The following ARVCF variants were observed in gnomAD, a reference collection of about 807,000 sequenced individuals.
ARVCF encodes the protein splicing regulator ARVCF.
In ARVCF, 66 loss-of-function variants were observed where a neutral mutation model predicts 90.9. The observed-to-expected ratio is 0.73, with a 90% CI of 0.60 to 0.89. ARVCF has a LOEUF of 0.89. ARVCF is among the 40% of genes least tolerant of loss of function. The pLI, the probability that ARVCF is intolerant of heterozygous loss-of-function variation, is 0.00. For synonymous variants in ARVCF, 653 were observed against 603.4 expected, an observed-to-expected ratio of 1.08 and a Z score of -1.21; for missense variants, 1,469 against 1,382.3, an observed-to-expected ratio of 1.06 and a Z score of -1.00.
intron 2 of ARVCF, among the ~76,000 whole-genome samples, chr22:20,006,594 G>C (rs974075468): frequency 1.4e-5 from 2 of 146,884 alleles, no homozygotes; most frequent in Non-Finnish European, 3.0e-5. Flanking sequence ...AAAAAAAGAG[G>C]CTCCCTCACA....
chr22:19,980,272 C>T (rs765145118), intron 5 of ARVCF, 30 bp from the exon 6 acceptor site: 2 of 1,494,346 alleles, frequency 1.3e-6, no homozygotes, highest in Non-Finnish European at 1.8e-6. Context: ...GCGTGGACAT[C>T]GTCACAGCAG....
At chr22:19,998,844 C>T (rs532540137) in intron 2 of ARVCF, among the ~76,000 whole-genome samples, 3 of 152,254 alleles carry the variant, frequency 2.0e-5, no homozygotes, top group South Asian at 2.1e-4. Context: ...GAGGACTGGC[C>T]CTGGCATCTG....
At chr22:19,974,299 C>T (rs1943025331) in intron 11 of ARVCF, 60 bp from the exon 12 acceptor site, 1 of 1,510,736 alleles carries the variant, frequency 6.6e-7, no homozygotes, top group Non-Finnish European at 8.9e-7. Flanking sequence ...CCATCATACC[C>T]CTCCCGCTTC....
chr22:19,971,540 A>G (rs1322624383), intron 18 of ARVCF, among the ~76,000 whole-genome samples: 1 of 152,176 alleles, frequency 6.6e-6, no homozygotes, highest in South Asian at 2.1e-4. Flanking sequence ...AGGCCTGCAC[A>G]GGAAGCCAGG....
At chr22:20,013,495 G>C (rs532810059) in intron 1 of ARVCF, among the ~76,000 whole-genome samples, 8 of 152,234 alleles carry the variant, frequency 5.3e-5, no homozygotes, top group Non-Finnish European at 1.2e-4. Flanking sequence ...CTTGGAGGCC[G>C]AGCTCCGGTC....
intron 13 of ARVCF, 145 bp from the exon 14 acceptor site, chr22:19,973,462 G>C (rs1445495896): frequency 1.5e-6 from 2 of 1,330,692 alleles, no homozygotes; most frequent in East Asian, 5.0e-5. Context: ...CCTGTGAGCA[G>C]GGCGCTGAGC....
chr22:19,967,525 C>T (rs1169930344), downstream of ARVCF: 15 of 388,474 alleles, frequency 3.9e-5, no homozygotes, highest in Middle Eastern at 3.7e-4. Context: ...CACATGAAAG[C>T]CCCCTGCTTT....
chr22:19,980,378 G>C, intron 5 of ARVCF, 136 bp from the exon 6 acceptor site: 1 of 1,282,924 alleles, frequency 7.8e-7, no homozygotes, highest in Non-Finnish European at 1.0e-6. Flanking sequence ...ATCTTGGCCC[G>C]GAGCATGGTG....
intron 1 of ARVCF, among the ~76,000 whole-genome samples, chr22:20,016,082 C>T (rs1264023416): frequency 6.6e-6 from 1 of 152,182 alleles, no homozygotes; most frequent in Admixed American, 6.5e-5. Flanking sequence ...CTCTCACCCC[C>T]GAGGCGGCAG....
In ARVCF at chr22:20,008,856, A is replaced by C. The variant is rs1418754905; in HGVS notation, c.-19+1599T>G. Among the ~76,000 whole-genome samples, 5 of 152,166 alleles carry C rather than the reference A, an allele frequency of 3.3e-5. No homozygotes were observed. The East Asian group carries it at 9.6e-4, about 29-fold the overall frequency. On this transcript the variant is annotated intron_variant, in intron 2 of 19. Transcript: ENST00000263207. ...CCACATTCCAGATGGGCAGGATAGG[A>C]GATGGGGAAAGGCAGAGAAAGAGGC...
downstream of ARVCF, chr22:19,967,537 T>G: frequency 7.8e-6 from 3 of 384,398 alleles, no homozygotes; most frequent in Non-Finnish European, 1.5e-5. Flanking sequence ...CCCTGCTTTC[T>G]CTGCAGCATA....
downstream of ARVCF, chr22:19,967,189 C>T (rs1461239596): frequency 4.6e-6 from 6 of 1,304,816 alleles, no homozygotes; most frequent in African/African-American, 1.5e-5. Flanking sequence ...GTCTTTCAGT[C>T]CGCTGACGTC....
At chr22:19,987,098 C>A in intron 3 of ARVCF, 1 of 583,568 alleles carries the variant, frequency 1.7e-6, no homozygotes, top group South Asian at 1.9e-5. Flanking sequence ...CGGCATCGGG[C>A]CGGGACTCGG....
At chr22:20,005,590 C>A (rs906834098) in intron 2 of ARVCF, among the ~76,000 whole-genome samples, 4 of 152,018 alleles carry the variant, frequency 2.6e-5, no homozygotes, top group Non-Finnish European at 5.9e-5. Flanking sequence ...GAGGCCGAGG[C>A]GGGTGGATCA....
rs1392359275 is a variant in ARVCF, at chr22:19,977,268, C to T, written c.1870+147G>A. The T allele has an allele frequency of 4.4e-6, 5 of 1,144,480 alleles. No individual in the cohort carries two copies. The South Asian group carries it at 8.6e-5, about 20-fold the overall frequency. The allele number at this position is 1,144,480 out of a possible 1,614,324, so 70.9% of individuals were successfully genotyped here. ...ATGTGACCCAGGGCAGTCCAGCCTC[C>T]TTGACTCCTGGCTTCCCTGCCTGCC... On this transcript the variant is annotated intron_variant, in intron 9 of 19. Transcript: ENST00000263207.
chr22:19,982,088 G>A lies in ARVCF; in HGVS notation c.214C>T (p.Gln72Ter). ...AGTGAGGCCTGGCTGCCTGGGCTCT[G>A]CTCCTGGGGCAAGGAGGGACATTGG... The part of the protein sequence containing the change: ...MAWQQLVLQE[Q>*]SPGSQASLAT... The change falls in exon 4 of 20, where the codon CAG becomes TAG. Residue 72 changes from glutamine (Q) to a stop codon, truncating the protein, a stop_gained. Coordinates refer to ENST00000263207, the MANE Select transcript of ARVCF (RefSeq NM_001670.3). LOFTEE classifies it high-confidence loss of function. 1 of 1,610,922 alleles carries A rather than the reference G, an allele frequency of 6.2e-7. No individual in the cohort carries two copies. The highest frequency in any genetic ancestry group is 8.5e-7 in the Non-Finnish European group (1 of 1,179,866).
chr22:20,012,087 C>CG (rs201606242), intron 1 of ARVCF, among the ~76,000 whole-genome samples: 2,415 of 143,496 alleles, frequency 0.017, 41 homozygotes, highest in Middle Eastern at 0.032. Flanking sequence ...AGTCCCCCCC[C>CG]CCCACCCAGT....
chr22:19,968,003 T>A (rs1361619571), downstream of ARVCF, among the ~76,000 whole-genome samples: 1 of 152,130 alleles, frequency 6.6e-6, no homozygotes, highest in Non-Finnish European at 1.5e-5. Context: ...CTGGTGAAGA[T>A]GGGGGGTCTG....
intron 1 of ARVCF, among the ~76,000 whole-genome samples, chr22:20,011,715 C>A (rs150263564): frequency 6.6e-6 from 1 of 152,182 alleles, no homozygotes; most frequent in Non-Finnish European, 1.5e-5. Context: ...ACCAGCACTG[C>A]GCCCCGAGGA....
Sources: allele counts gnomAD v4.1 joint callset (sites outside exome capture counted in the v4.1 genomes callset), GRCh38; gene constraint gnomAD v4.1.1; transcripts MANE v1.5; gene names NCBI Gene and HGNC (gene_info 2026-07-23, HGNC 2026-07-21).